The following PPP2R1A variants were observed in gnomAD, a reference collection of about 807,000 sequenced individuals.
The protein encoded by PPP2R1A is protein phosphatase 2 scaffold subunit Aalpha.
A neutral mutation model predicts 67.1 loss-of-function variants in PPP2R1A; 15 were observed. That is an observed-to-expected ratio of 0.22 (90% CI 0.15 to 0.34). The LOEUF is 0.34. Among genes scored for constraint, PPP2R1A ranks in the 10% least tolerant of loss-of-function variants. PPP2R1A has a pLI of 1.00. For missense variants in PPP2R1A, 369 were observed against 775.0 expected (o/e 0.48, Z 6.22); for synonymous variants, 337 against 325.0 (o/e 1.04, Z -0.40).
In PPP2R1A at chr19:52,207,597, T is replaced by C. The variant is rs548184361; in HGVS notation, c.270+1534T>C. 5.3e-5 allele frequency among the ~76,000 whole-genome samples: 8 copies of C among 152,336 alleles called. No homozygotes were observed. In the South Asian group the frequency reaches 1.7e-3, roughly 32 times the overall value. On this transcript the variant is annotated intron_variant, in intron 3 of 14. Transcript: ENST00000322088. The stretch of plus-strand genomic sequence containing the variant: ...AGCCAGCAGACACATCCTGGGGCTG[T>C]CTGGGCCAGGCAGTGCTGGAAACCA...
rs1022915046 is a variant in PPP2R1A, at chr19:52,219,413, G to T, written c.1129-278G>T. 1.2e-4 allele frequency among the ~76,000 whole-genome samples: 19 copies of T among 152,194 alleles called. No homozygotes were observed. Among genetic ancestry groups the T allele is most frequent in the African/African-American group, 4.6e-4 (19 of 41,438 alleles). On this transcript the variant is annotated intron_variant, in intron 9 of 14. Transcript: ENST00000322088. This position sits in a 1 kb window ranked among gnomAD's most constrained non-coding sequence, Gnocchi z 4.0. Reference sequence around the variant, plus strand: ...ATCATGTCTGCCTGTTTTTTCCAGGGTGCTGTATTTTCCTACTGTGATTCT... The same window carrying T: ...ATCATGTCTGCCTGTTTTTTCCAGGTTGCTGTATTTTCCTACTGTGATTCT...
In PPP2R1A at chr19:52,211,939, G is replaced by C. The variant is rs988680292; in HGVS notation, c.503+447G>C. Among the ~76,000 whole-genome samples, 1 of 152,204 alleles carries C rather than the reference G, an allele frequency of 6.6e-6. No homozygotes were observed. Among genetic ancestry groups the C allele is most frequent in the Non-Finnish European group, 1.5e-5 (1 of 68,046 alleles). On this transcript the variant is annotated intron_variant, in intron 4 of 14. Transcript: ENST00000322088. The surrounding 1 kb of genome is among the most constrained non-coding windows in gnomAD (Gnocchi z 5.3). The stretch of plus-strand genomic sequence containing the variant: ...ACGATTGACCGTCAAGCCCGGGTTT[G>C]AGCCTGACTCACTCCAGAACTCTGG...
rs71358867 is a variant in PPP2R1A at position 52,213,456 on chromosome 19, T to G, written c.807+346T>G. Among the ~76,000 whole-genome samples, 5 of 102,330 alleles carry G rather than the reference T, an allele frequency of 4.9e-5. No homozygotes were observed. Among genetic ancestry groups the G allele is most frequent in the Admixed American group, 9.9e-5 (1 of 10,082 alleles). The allele number at this position is 102,330 out of a possible 152,430, so 67.1% of individuals were successfully genotyped here. A position where few individuals can be genotyped will look rare whatever the true frequency, so the allele number is the denominator to read the frequency against. The stretch of plus-strand genomic sequence containing the variant: ...AGCCCAAAAAGGTGGGGTTTTTTGG[T>G]GTTTTTTTTTTTTTTTTTTTTTTTT... On this transcript the variant is annotated intron_variant, in intron 6 of 14. Transcript: ENST00000322088. The surrounding 1 kb of genome is among the most constrained non-coding windows in gnomAD (Gnocchi z 4.2).
At chr19:52,217,885 G>A (rs374776158) in intron 9 of PPP2R1A, among the ~76,000 whole-genome samples, 1 of 152,000 alleles carries the variant, frequency 6.6e-6, no homozygotes, top group South Asian at 2.1e-4. Context: ...TTGACTGTGG[G>A]CAAGCGGAAG....
At chr19:52,200,139 A>AC in intron 1 of PPP2R1A, 1 of 152,312 alleles carries the variant, frequency 6.6e-6, no homozygotes, top group East Asian at 1.9e-4. Flanking sequence ...CTGCTCCTCA[A>AC]CCTCGCCCTG....
At chr19:52,220,623 AT>A (rs1284071255) in intron 11 of PPP2R1A, among the ~76,000 whole-genome samples, 2 of 152,254 alleles carry the variant, frequency 1.3e-5, no homozygotes, top group Non-Finnish European at 2.9e-5. Context: ...AGAATGGCTC[AT>A]TGTTTACACT....
Position 52,226,080 on chromosome 19 carries a change from C to G in PPP2R1A, c.*99C>G. On this transcript the variant is annotated 3_prime_UTR_variant, in exon 15 of 15. Transcript: ENST00000322088. ...CTGGGGGGCCTTTGGCTGTCACTCC[C>G]TGTGCATGGTCTGACCCCAGGCCCC... 1 of 1,570,070 alleles carries G rather than the reference C, an allele frequency of 6.4e-7. No individual in the cohort carries two copies. The highest frequency in any genetic ancestry group is 8.8e-7 in the Non-Finnish European group (1 of 1,141,430).
Position 52,211,239 on chromosome 19 carries a change from G to T in PPP2R1A, c.271-21G>T. Reference sequence around the variant, plus strand: ...GATGGTGGAGAGGGAGCTGTCCAGTGACTTTGTGTTCTCACCACAGCCACC... The same window carrying T: ...GATGGTGGAGAGGGAGCTGTCCAGTTACTTTGTGTTCTCACCACAGCCACC... On this transcript the variant is annotated intron_variant, in intron 3 of 14. Coordinates refer to ENST00000322088, the MANE Select transcript of PPP2R1A (RefSeq NM_014225.6). This position sits in a 1 kb window ranked among gnomAD's most constrained non-coding sequence, Gnocchi z 5.3. 6.2e-7 allele frequency: 1 copy of T among 1,608,084 alleles called. No homozygotes were observed. The highest frequency in any genetic ancestry group is 1.1e-5 in the South Asian group (1 of 90,590).
At position 52,226,446 on chromosome 19, in the gene PPP2R1A, T is replaced by A. The variant is rs2162779; in HGVS notation, c.*465T>A. Reference sequence around the variant, plus strand: ...TGGTCCTCTGGCCTTAGTCATCAGCTTGGAGGAGGGGGCACCACCCCAGAG... The same window carrying A: ...TGGTCCTCTGGCCTTAGTCATCAGCATGGAGGAGGGGGCACCACCCCAGAG... On this transcript the variant is annotated 3_prime_UTR_variant, in exon 15 of 15. Transcript: ENST00000322088. 0.35 allele frequency: 88,563 copies of A among 249,706 alleles called. 16,854 individuals are homozygous for A. The highest frequency in any genetic ancestry group is 0.53 in the African/African-American group (24,313 of 45,602). 15.5% of individuals were successfully genotyped at this position (249,706 alleles called of 1,614,324 possible). A position where few individuals can be genotyped will look rare whatever the true frequency, so the allele number is the denominator to read the frequency against.
At position 52,219,558 on chromosome 19, in the gene PPP2R1A, G is replaced by T. The variant is rs984757776; in HGVS notation, c.1129-133G>T. The stretch of plus-strand genomic sequence containing the variant: ...TGTGCCGTTAATGTGTTCCCAGAAC[G>T]GGGAGCTGGGCTTGGACAGGAGTAG... On this transcript the variant is annotated intron_variant, in intron 9 of 14. Transcript: ENST00000322088. This position sits in a 1 kb window ranked among gnomAD's most constrained non-coding sequence, Gnocchi z 4.0. The T allele has an allele frequency of 3.5e-6, 3 of 856,674 alleles. No individual in the cohort carries two copies. The Admixed American group carries it at 9.4e-5, about 27-fold the overall frequency. 53.1% of individuals were successfully genotyped at this position (856,674 alleles called of 1,614,324 possible). A position where few individuals can be genotyped will look rare whatever the true frequency, so the allele number is the denominator to read the frequency against.
chr19:52,223,797 G>A (rs1979089594), intron 13 of PPP2R1A, among the ~76,000 whole-genome samples: 1 of 152,170 alleles, frequency 6.6e-6, no homozygotes, highest in Non-Finnish European at 1.5e-5. Context: ...TCTGAAAACG[G>A]GAGTGGATCT....
intron 1 of PPP2R1A, among the ~76,000 whole-genome samples, chr19:52,192,240 G>C (rs1397171247): frequency 1.3e-5 from 2 of 151,978 alleles, no homozygotes; most frequent in African/African-American, 2.4e-5. Context: ...AGTTTGAGAA[G>C]AGATTGAAAG....
chr19:52,220,371 G>A (rs564772825), intron 11 of PPP2R1A, 122 bp downstream of exon 11: 44 of 1,022,780 alleles, frequency 4.3e-5, no homozygotes, highest in Middle Eastern at 2.9e-4. Context: ...CTGGATGCTC[G>A]TATGGACCAG....
At chr19:52,222,006 G>A (rs1354217300) in intron 12 of PPP2R1A, 93 bp from the exon 13 acceptor site, 1 of 1,344,058 alleles carries the variant, frequency 7.4e-7, no homozygotes, top group African/African-American at 1.5e-5. Flanking sequence ...TGTGGGGCCT[G>A]ATGATCACCA....
chr19:52,205,964 T>C lies in PPP2R1A; in HGVS notation c.171T>C (p.Asp57=). The C allele has an allele frequency of 6.2e-7, 1 of 1,613,330 alleles. No homozygotes were observed. Among genetic ancestry groups the C allele is most frequent in the Non-Finnish European group, 8.5e-7 (1 of 1,179,298 alleles). The change falls in exon 3 of 15, where the codon GAT becomes GAC. Residue 57 remains aspartate (D), a splice_region_variant and synonymous_variant. Transcript: ENST00000322088. ...ACGAAGTCTGTCTTGGTTCCACAGA[T>C]ACCATCTATGATGAAGATGAGGTCC... ...TRSELLPFLT[D]TIYDEDEVLL... is the part of the protein sequence containing the mutation.
At chr19:52,215,299 C>T (rs1235461691) in intron 6 of PPP2R1A, among the ~76,000 whole-genome samples, 1 of 152,304 alleles carries the variant, frequency 6.6e-6, no homozygotes, top group African/African-American at 2.4e-5. Flanking sequence ...CTCAAGCGAT[C>T]TGTCCACCTC....
Position 52,219,738 on chromosome 19 carries a change from C to A in PPP2R1A, c.1176C>A (p.Asn392Lys), listed in dbSNP as rs143253734. 1 of 1,613,956 alleles carries A rather than the reference C, an allele frequency of 6.2e-7. No individual in the cohort carries two copies. Among genetic ancestry groups the A allele is most frequent in the Non-Finnish European group, 8.5e-7 (1 of 1,180,034 alleles). ...TCATCTCTAACCTGGACTGTGTGAACGAGGTGATTGGCATCCGGCAGCTGT... is the reference window on the plus strand; with the variant it reads ...TCATCTCTAACCTGGACTGTGTGAAAGAGGTGATTGGCATCCGGCAGCTGT... ...LNIISNLDCV[N>K]EVIGIRQLSQ... Residue 392 changes from asparagine to lysine, a missense_variant, in exon 10 of 15, where the codon AAC becomes AAA. Asn to Lys is a moderately conservative substitution (Grantham distance 94). Around this residue, in one of 2 missense-constraint regions of PPP2R1A, gnomAD observed 276 missense variants for 508.4 expected, o/e 0.54. Transcript: ENST00000322088. This position sits in a 1 kb window ranked among gnomAD's most constrained non-coding sequence, Gnocchi z 4.0.
chr19:52,191,351 G>A (rs2089453094), intron 1 of PPP2R1A: 1 of 152,246 alleles, frequency 6.6e-6, no homozygotes, highest in South Asian at 2.1e-4. Flanking sequence ...TTGCTGGAGG[G>A]ACTTGTGAGG....
rs1045204067 is a variant in PPP2R1A at position 52,228,527 on chromosome 19, T to TGA, written c.*2547_*2548insAG. On this transcript the variant is annotated 3_prime_UTR_variant, in exon 15 of 15. Transcript: ENST00000322088. ...ATGTTATTAAGTCCATTGTTAGGAG[T>TGA]GGTTCCTAATCTCCCAGGCTGCAGG... 24 of 152,158 alleles carry TGA rather than the reference T, an allele frequency of 1.6e-4. No homozygotes were observed. The highest frequency in any genetic ancestry group is 5.8e-4 in the African/African-American group (24 of 41,492). The allele number at this position is 152,158 out of a possible 1,614,324, so 9.4% of individuals were successfully genotyped here. A position where few individuals can be genotyped will look rare whatever the true frequency, so the allele number is the denominator to read the frequency against.
Sources: allele counts gnomAD v4.1 joint callset (sites outside exome capture counted in the v4.1 genomes callset), GRCh38; gene constraint gnomAD v4.1.1; regional missense constraint gnomAD v4.1.1; non-coding constraint Gnocchi (gnomAD v3.1); transcripts MANE v1.5; gene names NCBI Gene and HGNC (gene_info 2026-07-23, HGNC 2026-07-21).